Variants in STAT1 observed in about 807,000 individuals in gnomAD.
The protein encoded by STAT1 is signal transducer and activator of transcription 1.
Under a neutral mutation model 111.7 loss-of-function variants are expected in STAT1, and 24 were observed. The ratio of observed to expected loss-of-function variants is 0.21; its 90% confidence interval spans 0.16 to 0.30. STAT1 has a LOEUF of 0.30. Among genes scored for constraint, STAT1 ranks in the 10% least tolerant of loss-of-function variants. STAT1 has a pLI of 1.00. For missense variants in STAT1, 351 were observed against 911.9 expected (o/e 0.38, Z 7.92); for synonymous variants, 332 against 326.5 (o/e 1.02, Z -0.18).
chr2:190,991,140 C>T (rs1693296704), intron 11 of STAT1, 88 bp downstream of exon 11: 1 of 1,229,572 alleles, frequency 8.1e-7, no homozygotes, highest in South Asian at 1.2e-5. Flanking sequence ...TCCTCAAAAG[C>T]ACCCTATATA....
intron 5 of STAT1, among the ~76,000 whole-genome samples, chr2:191,005,198 A>G (rs1005690282): frequency 2.0e-5 from 3 of 152,200 alleles, no homozygotes; most frequent in Non-Finnish European, 4.4e-5. Flanking sequence ...TACCTATCAC[A>G]GTTTCAACAA....
Position 190,970,320 on chromosome 2 carries a change from C to A in STAT1, c.*383G>T. 1 of 281,764 alleles carries A rather than the reference C, an allele frequency of 3.5e-6. No homozygotes were observed. Among genetic ancestry groups the A allele is most frequent in the South Asian group, 4.0e-5 (1 of 25,304 alleles). 17.5% of individuals were successfully genotyped at this position (281,764 alleles called of 1,614,324 possible). On this transcript the variant is annotated 3_prime_UTR_variant, in exon 25 of 25. Coordinates refer to ENST00000361099, the MANE Select transcript of STAT1 (RefSeq NM_007315.4). This position sits in a 1 kb window ranked among gnomAD's most constrained non-coding sequence, Gnocchi z 5.4. ...TACGTCAAGCAGTTCCCTAAATAAC[C>A]ACTGATTTATCCAACAACCTATAAC...
In STAT1 at chr2:190,998,838, A is replaced by G. The variant is rs1236096890; in HGVS notation, c.542-530T>C. Among the ~76,000 whole-genome samples, 6 of 151,940 alleles carry G rather than the reference A, an allele frequency of 3.9e-5. No individual in the cohort carries two copies. Among genetic ancestry groups the G allele is most frequent in the Admixed American group, 1.3e-4 (2 of 15,268 alleles). On this transcript the variant is annotated intron_variant, in intron 7 of 24. Coordinates refer to ENST00000361099, the MANE Select transcript of STAT1 (RefSeq NM_007315.4). The surrounding 1 kb of genome is among the most constrained non-coding windows in gnomAD (Gnocchi z 4.1). ...TATAAAAATAAATGTAAATAATAAA[A>G]TGTTTTATCTGAACAGAATTCAGAT...
At chr2:190,985,721 T>C in intron 14 of STAT1, 61 bp from the exon 15 acceptor site, 1 of 1,543,686 alleles carries the variant, frequency 6.5e-7, no homozygotes, top group Non-Finnish European at 9.0e-7. Context: ...GCTATCTTCA[T>C]TTACAAATGA....
rs1691431346 is a variant in STAT1 at position 190,971,158 on chromosome 2, C to T, written c.2239-441G>A. On this transcript the variant is annotated intron_variant, in intron 24 of 24. Transcript: ENST00000361099. This position sits in a 1 kb window ranked among gnomAD's most constrained non-coding sequence, Gnocchi z 4.1. ...TCAATGACTGTGTTTCAGGTACAGACTAAAGAAGCAGAATTACTAAGAACC... is the reference window on the plus strand; with the variant it reads ...TCAATGACTGTGTTTCAGGTACAGATTAAAGAAGCAGAATTACTAAGAACC... Among the ~76,000 whole-genome samples, 1 of 152,200 alleles carries T rather than the reference C, an allele frequency of 6.6e-6. No homozygotes were observed. The highest frequency in any genetic ancestry group is 1.5e-5 in the Non-Finnish European group (1 of 68,026).
At chr2:191,002,142 T>C (rs1361686300) in intron 5 of STAT1, among the ~76,000 whole-genome samples, 1 of 152,228 alleles carries the variant, frequency 6.6e-6, no homozygotes, top group Non-Finnish European at 1.5e-5. Context: ...GTTTCCTTTT[T>C]TTCTTTTTAA....
intron 10 of STAT1, chr2:190,992,671 G>T: frequency 7.9e-7 from 1 of 1,263,132 alleles, no homozygotes. Flanking sequence ...TGCTTGACCA[G>T]AGTGCTCTGA....
In STAT1 at chr2:190,975,859, A is replaced by C. The variant is rs1691868704; in HGVS notation, c.2088T>G (p.Pro696=). The part of the protein sequence containing the change: ...EAPEPMELDG[P]KGTGYIKTEL... ...CAGTCTTGATATATCCAGTTCCTTT[A>C]GGGCCATCAAGTTCCATTGGCTCTG... The change falls in exon 23 of 25, where the codon CCT becomes CCG. Residue 696 remains proline (P), a synonymous_variant. Transcript: ENST00000361099. The surrounding 1 kb of genome is among the most constrained non-coding windows in gnomAD (Gnocchi z 5.9). 1 of 1,614,050 alleles carries C rather than the reference A, an allele frequency of 6.2e-7. No homozygotes were observed. Among genetic ancestry groups the C allele is most frequent in the African/African-American group, 1.3e-5 (1 of 74,924 alleles).
At chr2:191,013,952 G>A (rs1200073765) in intron 1 of STAT1, 66 bp downstream of exon 1, 5 of 302,722 alleles carry the variant, frequency 1.7e-5, no homozygotes, top group Non-Finnish European at 3.0e-5. Context: ...GCGTCCAACT[G>A]CACGGCCCGA....
In STAT1 at chr2:191,007,412, T is replaced by C; in HGVS notation, c.372+151A>G. The C allele has an allele frequency of 1.5e-6, 1 of 655,228 alleles. No individual in the cohort carries two copies. Among genetic ancestry groups the C allele is most frequent in the Non-Finnish European group, 2.6e-6 (1 of 379,254 alleles). 40.6% of individuals were successfully genotyped at this position (655,228 alleles called of 1,614,324 possible). A position where few individuals can be genotyped will look rare whatever the true frequency, so the allele number is the denominator to read the frequency against. On this transcript the variant is annotated intron_variant, in intron 5 of 24. Coordinates refer to ENST00000361099, the MANE Select transcript of STAT1 (RefSeq NM_007315.4). This position sits in a 1 kb window ranked among gnomAD's most constrained non-coding sequence, Gnocchi z 4.2. The stretch of plus-strand genomic sequence containing the variant: ...TAGGATCTTTCTTAAAGCCTGGTTC[T>C]ATAAAATCTCTAAATCTGATTCTCC...
chr2:191,009,132 T>G lies in STAT1; in HGVS notation c.129-25A>C, dbSNP rs201823625. 1.3e-4 allele frequency: 217 copies of G among 1,613,740 alleles called. 1 individual carries two copies. The African/African-American group carries it at 2.6e-3, about 19-fold the overall frequency. On this transcript the variant is annotated intron_variant, in intron 3 of 24. Coordinates refer to ENST00000361099, the MANE Select transcript of STAT1 (RefSeq NM_007315.4). The stretch of plus-strand genomic sequence containing the variant: ...CCTAGGAGATTTAACATTTACACAT[T>G]TCATTCTAGAACTAAATGTCTATGT...
rs1468549774 is a variant in STAT1, at chr2:190,973,371, T to C, written c.2238+1459A>G. Among the ~76,000 whole-genome samples the C allele has an allele frequency of 5.3e-4, 81 of 152,200 alleles. No individual in the cohort carries two copies. The highest frequency in any genetic ancestry group is 5.3e-3 in the Admixed American group (81 of 15,278). On this transcript the variant is annotated intron_variant, in intron 24 of 24. Coordinates refer to ENST00000361099, the MANE Select transcript of STAT1 (RefSeq NM_007315.4). The surrounding 1 kb of genome is among the most constrained non-coding windows in gnomAD (Gnocchi z 4.4). Reference sequence around the variant, plus strand: ...GGGGCTGTGTGGGGAGGAGGGGCTCTGTTCCCACATCTGTCAAAGTAGGAA... The same window carrying C: ...GGGGCTGTGTGGGGAGGAGGGGCTCCGTTCCCACATCTGTCAAAGTAGGAA...
In STAT1 at chr2:191,003,208, C is replaced by T. The variant is rs929901626; in HGVS notation, c.373-2045G>A. 2.6e-5 allele frequency among the ~76,000 whole-genome samples: 4 copies of T among 152,196 alleles called. No individual in the cohort carries two copies. Among genetic ancestry groups the T allele is most frequent in the Admixed American group, 6.5e-5 (1 of 15,280 alleles). ...GTTCAAAGCATGTGAATTGTATCAG[C>T]TGTAAAGTGTGTATTAGAAATACAT... is the stretch of plus-strand genomic sequence containing the variant. On this transcript the variant is annotated intron_variant, in intron 5 of 24. Transcript: ENST00000361099. The surrounding 1 kb of genome is among the most constrained non-coding windows in gnomAD (Gnocchi z 4.0).
chr2:190,972,136 C>T (rs1233772670), intron 24 of STAT1, among the ~76,000 whole-genome samples: 1 of 152,146 alleles, frequency 6.6e-6, no homozygotes, highest in Non-Finnish European at 1.5e-5. Context: ...ACTGCGTGAC[C>T]AGGGCAAGTG....
At position 190,980,946 on chromosome 2, in the gene STAT1, G is replaced by A. The variant is rs1216234633; in HGVS notation, c.1583-277C>T. On this transcript the variant is annotated intron_variant, in intron 18 of 24. Coordinates refer to ENST00000361099, the MANE Select transcript of STAT1 (RefSeq NM_007315.4). This position sits in a 1 kb window ranked among gnomAD's most constrained non-coding sequence, Gnocchi z 6.1. Reference sequence around the variant, plus strand: ...TGGATGGCAGATTCCTGGGCACCACGATATGAGAGTTTTTAGGGAAAGCGG... The same window carrying A: ...TGGATGGCAGATTCCTGGGCACCACAATATGAGAGTTTTTAGGGAAAGCGG... Among the ~76,000 whole-genome samples the A allele has an allele frequency of 2.0e-5, 3 of 152,134 alleles. No homozygotes were observed. The highest frequency in any genetic ancestry group is 4.8e-5 in the African/African-American group (2 of 41,432).
In STAT1 at chr2:190,987,112, T is replaced by C; in HGVS notation, c.1098-44A>G. The C allele has an allele frequency of 6.9e-7, 1 of 1,454,426 alleles. No homozygotes were observed. The allele number at this position is 1,454,426 out of a possible 1,614,324, so 90.1% of individuals were successfully genotyped here. ...TAATCACATATGCGTATTTAAAATT[T>C]GAAATAAGCTTTAACAAAATTATAA... On this transcript the variant is annotated intron_variant, in intron 12 of 24. Transcript: ENST00000361099. The surrounding 1 kb of genome is among the most constrained non-coding windows in gnomAD (Gnocchi z 4.0).
In STAT1 at chr2:191,001,005, A is replaced by C. The variant is rs528136816; in HGVS notation, c.462+69T>G. On this transcript the variant is annotated intron_variant, in intron 6 of 24. Coordinates refer to ENST00000361099, the MANE Select transcript of STAT1 (RefSeq NM_007315.4). Reference sequence around the variant, plus strand: ...AACTCAGTTACGAGGTTTACACCCCAAGCAATTGAAACCTTTTTTCCCCTA... The same window carrying C: ...AACTCAGTTACGAGGTTTACACCCCCAGCAATTGAAACCTTTTTTCCCCTA... 6 of 1,285,262 alleles carry C rather than the reference A, an allele frequency of 4.7e-6. No homozygotes were observed. In the Admixed American group the frequency reaches 1.0e-4, roughly 22 times the overall value. 79.6% of individuals were successfully genotyped at this position (1,285,262 alleles called of 1,614,324 possible). A position where few individuals can be genotyped will look rare whatever the true frequency, so the allele number is the denominator to read the frequency against.
In STAT1 at chr2:190,982,802, A is replaced by G. The variant is rs967085810; in HGVS notation, c.1447-284T>C. Among the ~76,000 whole-genome samples, 6 of 152,234 alleles carry G rather than the reference A, an allele frequency of 3.9e-5. No individual in the cohort carries two copies. The highest frequency in any genetic ancestry group is 5.9e-5 in the Non-Finnish European group (4 of 68,036). ...TGCACACACAGCAGCACACAGCAGC[A>G]AAGAATTCGAGTCTCTTAACACGCT... On this transcript the variant is annotated intron_variant, in intron 17 of 24. Coordinates refer to ENST00000361099, the MANE Select transcript of STAT1 (RefSeq NM_007315.4). The surrounding 1 kb of genome is among the most constrained non-coding windows in gnomAD (Gnocchi z 7.3).
chr2:191,009,202 A>T, intron 3 of STAT1, 95 bp from the exon 4 acceptor site: 2 of 1,383,664 alleles, frequency 1.4e-6, no homozygotes, highest in Non-Finnish European at 2.0e-6. Context: ...AAATTATTAA[A>T]AATAATTTAA....
Sources: allele counts gnomAD v4.1 joint callset (sites outside exome capture counted in the v4.1 genomes callset), GRCh38; gene constraint gnomAD v4.1.1; non-coding constraint Gnocchi (gnomAD v3.1); transcripts MANE v1.5; gene names NCBI Gene and HGNC (gene_info 2026-07-23, HGNC 2026-07-21).